PDE8A: variants seen among roughly 807,000 people sequenced by gnomAD.
The protein encoded by PDE8A is high affinity cAMP-specific and IBMX-insensitive 3',5'-cyclic phosphodiesterase 8A.
A neutral mutation model predicts 105.0 loss-of-function variants in PDE8A; 59 were observed. That is an observed-to-expected ratio of 0.56 (90% confidence interval 0.46 to 0.70). PDE8A has a LOEUF of 0.70. Ranked by LOEUF, PDE8A falls within the 30% of genes least tolerant of loss-of-function variation. The probability of loss-of-function intolerance (pLI) is 0.00; values close to 1 mark genes in which losing one functional copy is unlikely to be tolerated. For synonymous variants in PDE8A, 355 were observed against 371.9 expected (o/e 0.95, Z 0.52); for missense variants, 1,014 against 1,045.9 (o/e 0.97, Z 0.42).
At chr15:85,129,230 T>G (rs750692965) in intron 20 of PDE8A, among the ~76,000 whole-genome samples, 2 of 152,228 alleles carry the variant, frequency 1.3e-5, no homozygotes, top group Non-Finnish European at 2.9e-5. Flanking sequence ...AGTGTCTTTG[T>G]CTGGCTTTAT....
At chr15:85,052,977 A>C (rs2081000701) in intron 1 of PDE8A, among the ~76,000 whole-genome samples, 1 of 152,162 alleles carries the variant, frequency 6.6e-6, no homozygotes, top group Admixed American at 6.5e-5. Context: ...TTAAGTCTTT[A>C]ATCCATCTTG....
chr15:84,997,717 C>T (rs763391557), intron 1 of PDE8A, among the ~76,000 whole-genome samples: 6 of 151,738 alleles, frequency 4.0e-5, no homozygotes, highest in East Asian at 1.9e-4. Flanking sequence ...CTCAGCCTTC[C>T]GAGTAACTGG....
At chr15:85,024,390 A>G (rs142747968) in intron 1 of PDE8A, among the ~76,000 whole-genome samples, 16 of 152,268 alleles carry the variant, frequency 1.1e-4, no homozygotes, top group African/African-American at 3.4e-4. Flanking sequence ...TTCTCTCCTT[A>G]ATAGGTGACT....
chr15:85,111,737 T>G (rs1400820726), intron 12 of PDE8A, among the ~76,000 whole-genome samples: 9 of 152,214 alleles, frequency 5.9e-5, no homozygotes, highest in Admixed American at 3.9e-4. Context: ...GGGATTTGTT[T>G]TCAGAGTGCC....
At chr15:85,039,907 T>C (rs1201390569) in intron 1 of PDE8A, among the ~76,000 whole-genome samples, 1 of 151,608 alleles carries the variant, frequency 6.6e-6, no homozygotes, top group Non-Finnish European at 1.5e-5. Flanking sequence ...AAGTAAAGAG[T>C]AGAATGATAA....
chr15:85,098,234 A>C (rs550145591), intron 9 of PDE8A, among the ~76,000 whole-genome samples, 198 bp downstream of exon 9: 1 of 152,358 alleles, frequency 6.6e-6, no homozygotes, highest in African/African-American at 2.4e-5. Flanking sequence ...GCCCAGAGCC[A>C]ACATACTCTG....
Position 85,072,253 on chromosome 15 carries a change from C to G in PDE8A, c.435-3609C>G, listed in dbSNP as rs370977877. Among the ~76,000 whole-genome samples, 7 of 152,196 alleles carry G rather than the reference C, an allele frequency of 4.6e-5. No homozygotes were observed. The East Asian group carries it at 9.6e-4, about 21-fold the overall frequency. ...GGAGTTGTGCTTTTGTGAAACTTAA[C>G]TCATTAAAGGGCTGGGCTATGTTCT... is the stretch of plus-strand genomic sequence containing the variant. On this transcript the variant is annotated intron_variant, in intron 3 of 21. Coordinates refer to ENST00000394553, the MANE Select transcript of PDE8A (RefSeq NM_002605.3).
At chr15:85,028,736 TACCTCCCACCCGACCCCTCCCGAGC>T (rs990749263) in intron 1 of PDE8A, among the ~76,000 whole-genome samples, 10 of 152,174 alleles carry the variant, frequency 6.6e-5, no homozygotes, top group Middle Eastern at 3.4e-3. Context: ...TCATCTCAAA[TACCTCCCACCCGACCCCTCCCGAGC>T]ACCTCCCAGC....
intron 3 of PDE8A, among the ~76,000 whole-genome samples, chr15:85,068,929 A>G (rs1412847063): frequency 6.6e-6 from 1 of 152,202 alleles, no homozygotes; most frequent in African/African-American, 2.4e-5. Flanking sequence ...CCACTTTTTA[A>G]GGGAAGAAAA....
At chr15:85,088,529 T>A (rs1397036919) in intron 6 of PDE8A, among the ~76,000 whole-genome samples, 1 of 152,236 alleles carries the variant, frequency 6.6e-6, no homozygotes, top group African/African-American at 2.4e-5. Context: ...ACATTTGGGT[T>A]TTTTCCATTT....
intron 12 of PDE8A, among the ~76,000 whole-genome samples, chr15:85,112,341 T>C (rs1048276067): frequency 5.3e-5 from 8 of 152,250 alleles, no homozygotes; most frequent in Non-Finnish European, 1.2e-4. Flanking sequence ...TTTTCAAGAA[T>C]ACCTTGTTAT....
intron 19 of PDE8A, among the ~76,000 whole-genome samples, chr15:85,125,850 CTT>C (rs1272067014): frequency 6.6e-6 from 1 of 151,902 alleles, no homozygotes; most frequent in East Asian, 1.9e-4. Flanking sequence ...CAAAACCAGT[CTT>C]TGAGTTCTTA....
At chr15:85,075,980 A>T in intron 4 of PDE8A, 62 bp downstream of exon 4, 1 of 859,354 alleles carries the variant, frequency 1.2e-6, no homozygotes. Flanking sequence ...CTCTTAACAG[A>T]TGGCCAAATA....
chr15:85,121,752 A>C (rs140317171), intron 18 of PDE8A, among the ~76,000 whole-genome samples: 1 of 152,296 alleles, frequency 6.6e-6, no homozygotes, highest in African/African-American at 2.4e-5. Flanking sequence ...ATAGAACCTC[A>C]AATTTATGAG....
chr15:85,120,863 C>G lies in PDE8A; in HGVS notation c.1801C>G (p.Pro601Ala), dbSNP rs1357050229. 3.7e-6 allele frequency: 6 copies of G among 1,614,036 alleles called. No individual in the cohort carries two copies. Among genetic ancestry groups the G allele is most frequent in the Non-Finnish European group, 5.1e-6 (6 of 1,179,922 alleles). The change falls in exon 18 of 22, where the codon CCT (proline) becomes GCT (alanine). Residue 601 changes from proline (P) to alanine (A), a missense_variant. By Grantham distance (27) the Pro-to-Ala change is conservative (BLOSUM62 -1). Transcript: ENST00000394553. ...IAATIHDVDH[P>A]GRTNSFLCNA... ...AGCCACCATTCATGATGTGGATCACCCTGGGAGAACCAACTCCTTCCTGTG... is the reference window on the plus strand; with the variant it reads ...AGCCACCATTCATGATGTGGATCACGCTGGGAGAACCAACTCCTTCCTGTG...
chr15:85,090,254 TG>T (rs1298117445), intron 7 of PDE8A, among the ~76,000 whole-genome samples: 1 of 152,200 alleles, frequency 6.6e-6, no homozygotes, highest in African/African-American at 2.4e-5. Context: ...TTCTCATCTG[TG>T]GAAATGGAAA....
At chr15:85,119,471 A>AAAAAAAAAAAAAAAAAAAAAAAAC (rs1421406717) in intron 17 of PDE8A, among the ~76,000 whole-genome samples, 1 of 149,256 alleles carries the variant, frequency 6.7e-6, no homozygotes, top group African/African-American at 2.5e-5. Context: ...CTCGTCTCAA[A>AAAAAAAAAAAAAAAAAAAAAAAAC]AAAAAAAAAA....
chr15:84,996,947 G>GCCTA (rs1419619082), intron 1 of PDE8A, among the ~76,000 whole-genome samples: 4 of 151,488 alleles, frequency 2.6e-5, no homozygotes, highest in Non-Finnish European at 5.9e-5. Flanking sequence ...GAATGTGAAG[G>GCCTA]CCTACGATAT....
chr15:85,108,863 G>A (rs1212047875), intron 11 of PDE8A, among the ~76,000 whole-genome samples, 190 bp from the exon 12 acceptor site: 1 of 152,078 alleles, frequency 6.6e-6, no homozygotes, highest in Non-Finnish European at 1.5e-5. Context: ...TGTGCACCTG[G>A]TGGGACATTT....
Sources: gnomAD v4.1 joint callset for allele counts (sites outside exome capture counted in the v4.1 genomes callset) on GRCh38, gnomAD v4.1.1 for gene constraint, MANE v1.5 for transcripts, NCBI Gene and HGNC (gene_info 2026-07-23, HGNC 2026-07-21) for gene names.